Variants in ZFP2 observed in about 807,000 individuals in gnomAD.
ZFP2 encodes zinc finger protein ZFP2.
Under a neutral mutation model 36.1 loss-of-function variants are expected in ZFP2, and 33 were observed. The ratio of observed to expected loss-of-function variants is 0.92; its 90% CI spans 0.69 to 1.22. ZFP2 has a LOEUF of 1.22. ZFP2 is among the 50% of genes most tolerant of loss of function. ZFP2 has a pLI of 0.00. For missense variants in ZFP2, 522 were observed against 551.4 expected, an observed-to-expected ratio of 0.95 and a Z score of 0.53; for synonymous variants, 170 against 178.0, an observed-to-expected ratio of 0.96 and a Z score of 0.36.
chr5:178,929,945 G>GT (rs556064343), intron 4 of ZFP2, among the ~76,000 whole-genome samples: 3 of 141,068 alleles, frequency 2.1e-5, no homozygotes, highest in Admixed American at 1.4e-4. Flanking sequence ...TTGACGGTGG[G>GT]GGGGGGGGCT....
rs1043218889 is a variant in ZFP2, at chr5:178,913,051, C to T, written c.-244C>T. On this transcript the variant is annotated 5_prime_UTR_variant, in exon 3 of 5. Transcript: ENST00000361362. The stretch of plus-strand genomic sequence containing the variant: ...GAACTGAGTCTGATGCAAAAAGAAC[C>T]GCCTGAGGGTGGCTTTCGAGGTAAG... The T allele has an allele frequency of 4.2e-5, 41 of 985,816 alleles. No homozygotes were observed. Among genetic ancestry groups the T allele is most frequent in the Admixed American group, 1.2e-4 (2 of 16,276 alleles). The allele number at this position is 985,816 out of a possible 1,614,324, so 61.1% of individuals were successfully genotyped here.
rs1411555563 is a variant in ZFP2 at position 178,932,272 on chromosome 5, A to C, written c.959A>C (p.His320Pro). Residue 320 changes from histidine (H) to proline (P), a missense_variant, in exon 5 of 5, where the codon CAT becomes CCT. Coordinates refer to ENST00000361362, the MANE Select transcript of ZFP2 (RefSeq NM_030613.4). ...STYLIEHQRL[H>P]SGVKPFECNE... Reference sequence around the variant, plus strand: ...TATCTTATAGAACATCAGAGACTTCATTCTGGAGTAAAACCTTTTGAATGT... The same window carrying C: ...TATCTTATAGAACATCAGAGACTTCCTTCTGGAGTAAAACCTTTTGAATGT... The C allele has an allele frequency of 6.2e-7, 1 of 1,614,226 alleles. No individual in the cohort carries two copies. Among genetic ancestry groups the C allele is most frequent in the Admixed American group, 1.7e-5 (1 of 60,032 alleles).
At chr5:178,918,150 T>C (rs1339822256) in intron 4 of ZFP2, among the ~76,000 whole-genome samples, 1 of 152,242 alleles carries the variant, frequency 6.6e-6, no homozygotes, top group African/African-American at 2.4e-5. Context: ...TGCTAAAATA[T>C]GTTTCATAAG....
At position 178,896,433 on chromosome 5, in the gene ZFP2, C is replaced by G. The variant is rs556194191; in HGVS notation, c.-450+459C>G. Among the ~76,000 whole-genome samples, 405 of 152,308 alleles carry G rather than the reference C, an allele frequency of 2.7e-3. 3 individuals carry two copies. The highest frequency in any genetic ancestry group is 4.3e-3 in the Non-Finnish European group (292 of 68,018). ...GAGCGAACCTAACCCGCGGACATCC[C>G]GGGGATTCTGGGCCAGAGGCTGGGT... On this transcript the variant is annotated intron_variant, in intron 1 of 4. Coordinates refer to ENST00000361362, the MANE Select transcript of ZFP2 (RefSeq NM_030613.4).
At chr5:178,901,536 G>C (rs1758057040) in intron 1 of ZFP2, among the ~76,000 whole-genome samples, 1 of 152,182 alleles carries the variant, frequency 6.6e-6, no homozygotes, top group Non-Finnish European at 1.5e-5. Flanking sequence ...GTTCATGGCT[G>C]CATCGCTCTA....
chr5:178,930,028 G>C lies in ZFP2; in HGVS notation c.-77-1209G>C, dbSNP rs138996603. Among the ~76,000 whole-genome samples the C allele has an allele frequency of 4.6e-3, 694 of 151,512 alleles. 10 individuals are homozygous for C. Among genetic ancestry groups the C allele is most frequent in the African/African-American group, 0.016 (662 of 41,350 alleles). On this transcript the variant is annotated intron_variant, in intron 4 of 4. Coordinates refer to ENST00000361362, the MANE Select transcript of ZFP2 (RefSeq NM_030613.4). Reference sequence around the variant, plus strand: ...CAAATGGCAAGAGCAAGAGTGAGGAGGGAGGTGTTACACACTTGTAAATAA... The same window carrying C: ...CAAATGGCAAGAGCAAGAGTGAGGACGGAGGTGTTACACACTTGTAAATAA...
intron 2 of ZFP2, 65 bp downstream of exon 2, chr5:178,912,784 G>A (rs1758323259): frequency 9.8e-7 from 1 of 1,018,406 alleles, no homozygotes; most frequent in African/African-American, 1.7e-5. Context: ...ATAAGGCATT[G>A]TTTTAGGGTG....
intron 1 of ZFP2, chr5:178,909,739 G>T: frequency 1.3e-6 from 2 of 1,553,394 alleles, no homozygotes; most frequent in Non-Finnish European, 1.7e-6. Flanking sequence ...AAGCCCTCGG[G>T]CCTTGAGCTG....
intron 4 of ZFP2, among the ~76,000 whole-genome samples, chr5:178,929,009 C>T (rs1758758303): frequency 6.6e-6 from 1 of 152,230 alleles, no homozygotes; most frequent in African/African-American, 2.4e-5. Flanking sequence ...CAGCTTGCAC[C>T]CTCTGAAGCA....
At chr5:178,910,371 G>C in intron 1 of ZFP2, 6 of 1,036,368 alleles carry the variant, frequency 5.8e-6, no homozygotes, top group Non-Finnish European at 9.2e-6. Context: ...AGACTCCTCG[G>C]CACTGGAGTT....
intron 1 of ZFP2, among the ~76,000 whole-genome samples, chr5:178,898,918 T>C (rs79621081): frequency 0.14 from 21,425 of 152,168 alleles, 1,770 homozygotes; most frequent in African/African-American, 0.23. Context: ...TGCTGGTGCT[T>C]ATAGGGCTTA....
Position 178,931,574 on chromosome 5 carries a change from T to C in ZFP2, c.261T>C (p.Ser87=). The C allele has an allele frequency of 6.2e-7, 1 of 1,614,190 alleles. No individual in the cohort carries two copies. Among genetic ancestry groups the C allele is most frequent in the South Asian group, 1.1e-5 (1 of 91,088 alleles). The stretch of plus-strand genomic sequence containing the variant: ...ATGGAGAAGATGCCACACAAAATTC[T>C]GAGTTAATTAAAACTCAAAGAATGT... ...NSHGEDATQN[S]ELIKTQRMFV... is the part of the protein sequence containing the mutation. The change falls in exon 5 of 5, where the codon TCT becomes TCC. Residue 87 remains serine (S), a synonymous_variant. Coordinates refer to ENST00000361362, the MANE Select transcript of ZFP2 (RefSeq NM_030613.4).
Position 178,916,706 on chromosome 5 carries a change from T to C in ZFP2, c.-82T>C, listed in dbSNP as rs1758438519. 1.0e-6 allele frequency: 1 copy of C among 985,324 alleles called. No individual in the cohort carries two copies. Among genetic ancestry groups the C allele is most frequent in the Admixed American group, 6.1e-5 (1 of 16,262 alleles). 61.0% of individuals were successfully genotyped at this position (985,324 alleles called of 1,614,324 possible). ...TCTCACTTACTTGACACAAAACATC[T>C]ATAGGTAAGTACTGGTACTCCTCTT... On this transcript the variant is annotated 5_prime_UTR_variant, in exon 4 of 5. Coordinates refer to ENST00000361362, the MANE Select transcript of ZFP2 (RefSeq NM_030613.4).
At chr5:178,923,121 G>A (rs1221569956) in intron 4 of ZFP2, among the ~76,000 whole-genome samples, 1 of 149,022 alleles carries the variant, frequency 6.7e-6, no homozygotes, top group Non-Finnish European at 1.5e-5. Flanking sequence ...TTGTGTTTGT[G>A]TGTATATGTG....
intron 3 of ZFP2, among the ~76,000 whole-genome samples, chr5:178,914,939 C>T (rs550459333): frequency 7.9e-5 from 12 of 152,092 alleles, no homozygotes; most frequent in Admixed American, 4.6e-4. Context: ...CTAGCAGATA[C>T]GAAGATTTCT....
At position 178,912,609 on chromosome 5, in the gene ZFP2, A is replaced by C; in HGVS notation, c.-424A>C. The C allele has an allele frequency of 1.9e-6, 2 of 1,026,120 alleles. No individual in the cohort carries two copies. The highest frequency in any genetic ancestry group is 2.4e-6 in the Non-Finnish European group (2 of 844,826). 63.6% of individuals were successfully genotyped at this position (1,026,120 alleles called of 1,614,324 possible). On this transcript the variant is annotated 5_prime_UTR_variant, in exon 2 of 5. An upstream start codon of the reference 5' UTR is lost. Coordinates refer to ENST00000361362, the MANE Select transcript of ZFP2 (RefSeq NM_030613.4). The stretch of plus-strand genomic sequence containing the variant: ...TTTCAGGAGTCAGTGACCTTCAAGG[A>C]TGTGTCCATAGATTTCTCTTGGGAA...
intron 4 of ZFP2, among the ~76,000 whole-genome samples, chr5:178,920,429 G>T (rs1039606992): frequency 1.3e-5 from 2 of 152,094 alleles, no homozygotes; most frequent in Non-Finnish European, 2.9e-5. Flanking sequence ...ACGAGGTTAG[G>T]ATTTCAAGAC....
chr5:178,931,790 A>T lies in ZFP2; in HGVS notation c.477A>T (p.Lys159Asn). ...QRIHTGEKPY[K>N]CNECGKAFSQ... ...TTCATACTGGAGAGAAACCCTATAA[A>T]TGTAATGAATGTGGGAAAGCCTTTA... Residue 159 changes from lysine (K) to asparagine (N), a missense_variant, in exon 5 of 5, where the codon AAA becomes AAT. Physicochemically the swap from Lys to Asn is moderately conservative, Grantham distance 94. Transcript: ENST00000361362. 1 of 1,613,998 alleles carries T rather than the reference A, an allele frequency of 6.2e-7. No individual in the cohort carries two copies.
chr5:178,919,398 C>A lies in ZFP2; in HGVS notation c.-78+2688C>A, dbSNP rs145552789. ...TGGCTCTGATATTACAATGACTTAACAGGGTGGGTCTGCTGGTGACAAATT... is the reference window on the plus strand; with the variant it reads ...TGGCTCTGATATTACAATGACTTAAAAGGGTGGGTCTGCTGGTGACAAATT... On this transcript the variant is annotated intron_variant, in intron 4 of 4. Coordinates refer to ENST00000361362, the MANE Select transcript of ZFP2 (RefSeq NM_030613.4). Among the ~76,000 whole-genome samples the A allele has an allele frequency of 4.6e-3, 705 of 152,254 alleles. 5 individuals are homozygous for A. The highest frequency in any genetic ancestry group is 0.016 in the African/African-American group (667 of 41,542).
Sources: gnomAD v4.1 joint callset for allele counts (sites outside exome capture counted in the v4.1 genomes callset) on GRCh38, gnomAD v4.1.1 for gene constraint, MANE v1.5 for transcripts, NCBI Gene and HGNC (gene_info 2026-07-23, HGNC 2026-07-21) for gene names.